Variants in RNF111 observed in about 807,000 individuals in gnomAD.
RNF111 encodes ring finger protein 111.
Under a neutral mutation model 95.1 loss-of-function variants are expected in RNF111, and 17 were observed. The observed-to-expected ratio is 0.18, with a 90% confidence interval of 0.12 to 0.27. RNF111 has a LOEUF of 0.27. Ranked by LOEUF, RNF111 falls within the 10% of genes least tolerant of loss-of-function variation. The pLI is 1.00. For missense variants in RNF111, 1,189 were observed against 1,210.4 expected (o/e 0.98, Z 0.26); for synonymous variants, 440 against 414.8 (o/e 1.06, Z -0.74).
At chr15:58,999,555 C>T (rs1393144118) in intron 1 of RNF111, among the ~76,000 whole-genome samples, 19 of 152,082 alleles carry the variant, frequency 1.2e-4, no homozygotes, top group African/African-American at 3.1e-4. Flanking sequence ...AGGCTGGTCT[C>T]GAACTCCTGA....
intron 1 of RNF111, among the ~76,000 whole-genome samples, chr15:59,030,479 A>G (rs2040848877): frequency 6.6e-6 from 1 of 152,174 alleles, no homozygotes; most frequent in African/African-American, 2.4e-5. Flanking sequence ...TTTTGAAGTA[A>G]TTGTTTGATT....
chr15:59,004,255 A>T, intron 1 of RNF111: 1 of 399,796 alleles, frequency 2.5e-6, no homozygotes, highest in Non-Finnish European at 3.8e-6. Flanking sequence ...AATTATCTTT[A>T]CTGATCCTTA....
rs370256013 is a variant in RNF111 at position 59,055,740 on chromosome 15, G to C, written c.1066G>C (p.Ala356Pro). ...SHWSQGSSSH[A>P]SRPQEPRNRS... is the part of the protein sequence containing the mutation. ...TTGGAGCCAGGGTTCCAGTTCTCAT[G>C]CAAGTCGGCCACAGGAGCCACGGAA... is the stretch of plus-strand genomic sequence containing the variant. The change falls in exon 4 of 14, where the codon GCA becomes CCA. Residue 356 changes from alanine (A) to proline (P), a missense_variant. Physicochemically the swap from Ala to Pro is conservative, Grantham distance 27. This residue lies in a region of RNF111 where 1,024 missense variants were observed against 925.9 expected (regional missense o/e 1.11). Coordinates refer to ENST00000348370, the MANE Select transcript of RNF111 (RefSeq NM_017610.8). The C allele has an allele frequency of 6.2e-7, 1 of 1,613,788 alleles. No individual in the cohort carries two copies. The highest frequency in any genetic ancestry group is 8.5e-7 in the Non-Finnish European group (1 of 1,179,914).
rs1018030395 is a variant in RNF111, at chr15:59,067,303, C to T, written c.1686+220C>T. Among the ~76,000 whole-genome samples, 99 of 150,978 alleles carry T rather than the reference C, an allele frequency of 6.6e-4. 2 individuals carry two copies. The highest frequency in any genetic ancestry group is 2.5e-4 in the Non-Finnish European group (17 of 67,694). On this transcript the variant is annotated intron_variant, in intron 6 of 13. Transcript: ENST00000348370. ...TTTCCTCTCTTCCCCTCCTTCCTTC[C>T]CTCTCTTCCCTTTCCTCTTCCCCTT... is the stretch of plus-strand genomic sequence containing the variant.
At chr15:59,050,703 A>G (rs1450594687) in intron 2 of RNF111, among the ~76,000 whole-genome samples, 3 of 152,230 alleles carry the variant, frequency 2.0e-5, no homozygotes, top group African/African-American at 7.2e-5. Flanking sequence ...CATTACAATC[A>G]GTGCCATGGA....
intron 2 of RNF111, among the ~76,000 whole-genome samples, chr15:59,039,482 T>C (rs995798986): frequency 3.9e-5 from 6 of 152,230 alleles, no homozygotes. Flanking sequence ...TGAGTATCAT[T>C]ATGAATGCAT....
At chr15:59,083,647 A>G (rs1224089629) in intron 8 of RNF111, among the ~76,000 whole-genome samples, 1 of 152,154 alleles carries the variant, frequency 6.6e-6, no homozygotes, top group Non-Finnish European at 1.5e-5. Flanking sequence ...TTTCTCTTAA[A>G]CTTTCATCCA....
chr15:59,033,741 A>T (rs1406654659), intron 2 of RNF111, among the ~76,000 whole-genome samples: 2 of 152,230 alleles, frequency 1.3e-5, no homozygotes, highest in Admixed American at 1.3e-4. Context: ...AACTTAATTC[A>T]TTTAAAAATC....
intron 1 of RNF111, among the ~76,000 whole-genome samples, chr15:59,011,456 A>G (rs2039808101): frequency 6.6e-6 from 1 of 152,174 alleles, no homozygotes; most frequent in Non-Finnish European, 1.5e-5. Flanking sequence ...ACAGTGTATT[A>G]GTTTGCTTGG....
At chr15:59,032,542 G>A (rs145929398) in intron 2 of RNF111, among the ~76,000 whole-genome samples, 85 of 152,112 alleles carry the variant, frequency 5.6e-4, no homozygotes, top group Middle Eastern at 3.4e-3. Context: ...CCACGTCAGC[G>A]CCTCAAGTAG....
chr15:59,087,478 G>A (rs1386214946), intron 10 of RNF111, among the ~76,000 whole-genome samples: 2 of 152,076 alleles, frequency 1.3e-5, no homozygotes, highest in South Asian at 4.2e-4. Flanking sequence ...ATTGTTGATC[G>A]GAAGCCTTAC....
intron 1 of RNF111, among the ~76,000 whole-genome samples, chr15:59,028,971 G>A (rs1479324184): frequency 1.3e-5 from 2 of 151,898 alleles, no homozygotes; most frequent in African/African-American, 2.4e-5. Context: ...GTAGAGATGG[G>A]GTTTCACCAT....
intron 2 of RNF111, among the ~76,000 whole-genome samples, chr15:59,048,054 C>A (rs2041800519): frequency 6.6e-6 from 1 of 152,078 alleles, no homozygotes; most frequent in Non-Finnish European, 1.5e-5. Flanking sequence ...TTTGGCAGTT[C>A]CTTAAAAAGT....
rs1053937336 is a variant in RNF111 at position 59,051,866 on chromosome 15, T to A, written c.881-439T>A. On this transcript the variant is annotated intron_variant, in intron 2 of 13. Coordinates refer to ENST00000348370, the MANE Select transcript of RNF111 (RefSeq NM_017610.8). ...AAACTAAAAAGCTACAGTGTTTTTTTAAAAGAATATATCACCTAAATGAAA... is the reference window on the plus strand; with the variant it reads ...AAACTAAAAAGCTACAGTGTTTTTTAAAAAGAATATATCACCTAAATGAAA... Among the ~76,000 whole-genome samples the A allele has an allele frequency of 3.3e-5, 5 of 152,074 alleles. 1 individual carries two copies. The highest frequency in any genetic ancestry group is 7.4e-5 in the Non-Finnish European group (5 of 68,002).
rs1281065659 is a variant in RNF111 at position 59,096,730 on chromosome 15, A to G, written c.*1830A>G. ...AAGGAGTCAGTGACCTATGTCTGCC[A>G]TCTTACTGGGGAAAAGAGCAAGTAG... On this transcript the variant is annotated 3_prime_UTR_variant, in exon 14 of 14. Coordinates refer to ENST00000348370, the MANE Select transcript of RNF111 (RefSeq NM_017610.8). The G allele has an allele frequency of 2.0e-5, 3 of 152,268 alleles. No individual in the cohort carries two copies. In the South Asian group the frequency reaches 6.2e-4, roughly 31 times the overall value. The allele number at this position is 152,268 out of a possible 1,614,324, so 9.4% of individuals were successfully genotyped here.
Position 59,095,736 on chromosome 15 carries a change from C to G in RNF111, c.*836C>G. ...AGATTGTACATACTTGCAGATTTAA[C>G]AAAATTTTAGGGAAATTGAAAAAGA... On this transcript the variant is annotated 3_prime_UTR_variant, in exon 14 of 14. Coordinates refer to ENST00000348370, the MANE Select transcript of RNF111 (RefSeq NM_017610.8). 3.1e-6 allele frequency: 1 copy of G among 326,964 alleles called. No homozygotes were observed. The highest frequency in any genetic ancestry group is 5.5e-6 in the Non-Finnish European group (1 of 181,908). 20.3% of individuals were successfully genotyped at this position (326,964 alleles called of 1,614,324 possible).
chr15:59,041,591 G>GC (rs1160506310), intron 2 of RNF111, among the ~76,000 whole-genome samples: 1 of 152,062 alleles, frequency 6.6e-6, no homozygotes, highest in East Asian at 1.9e-4. Context: ...GCAATAAATA[G>GC]CTTTTTGTAT....
At chr15:59,044,433 A>G (rs2041613920) in intron 2 of RNF111, among the ~76,000 whole-genome samples, 1 of 152,220 alleles carries the variant, frequency 6.6e-6, no homozygotes, top group Admixed American at 6.5e-5. Flanking sequence ...GCTGATGCCA[A>G]GAGAATCTGT....
intron 8 of RNF111, among the ~76,000 whole-genome samples, chr15:59,083,614 A>C (rs1359620854): frequency 6.6e-6 from 1 of 152,098 alleles, no homozygotes; most frequent in South Asian, 2.1e-4. Flanking sequence ...GTTTTGAAAA[A>C]AAATGCACAG....
Sources: gnomAD v4.1 joint callset for allele counts (sites outside exome capture counted in the v4.1 genomes callset) on GRCh38, gnomAD v4.1.1 for gene constraint, gnomAD v4.1.1 regional missense constraint, MANE v1.5 for transcripts, NCBI Gene and HGNC (gene_info 2026-07-23, HGNC 2026-07-21) for gene names.